The following TDP1 variants were observed in gnomAD, a reference collection of about 807,000 sequenced individuals.
TDP1 encodes tyrosyl-DNA phosphodiesterase 1.
In TDP1, 64 loss-of-function variants were observed where a neutral mutation model predicts 81.5. The observed-to-expected ratio is 0.79, with a 90% CI of 0.64 to 0.97. TDP1 has a LOEUF of 0.97. Among genes scored for constraint, TDP1 ranks in the 50% least tolerant of loss-of-function variants. The pLI is 0.00. For missense variants in TDP1, 723 were observed against 743.8 expected, an observed-to-expected ratio of 0.97 and a Z score of 0.33; for synonymous variants, 256 against 264.3, an observed-to-expected ratio of 0.97 and a Z score of 0.30.
chr14:89,969,496 G>A (rs546151143), intron 5 of TDP1, among the ~76,000 whole-genome samples: 1 of 152,230 alleles, frequency 6.6e-6, no homozygotes, highest in East Asian at 1.9e-4. Flanking sequence ...AATTAATGAG[G>A]ACTTCAGTTT....
chr14:89,970,000 C>A (rs941981728), intron 5 of TDP1, among the ~76,000 whole-genome samples: 1 of 149,964 alleles, frequency 6.7e-6, no homozygotes, highest in Non-Finnish European at 1.5e-5. Context: ...CCTCAGCCTC[C>A]CAAGTAGCTG....
chr14:89,962,601 T>C lies in TDP1; in HGVS notation c.-7-507T>C, dbSNP rs34877904. ...AGCCAAGGCCAGGCATGGTGGCTTA[T>C]ACTTGTAATCCCAGCACTTTGGAAG... On this transcript the variant is annotated intron_variant, in intron 2 of 16. Coordinates refer to ENST00000335725, the MANE Select transcript of TDP1 (RefSeq NM_018319.4). Among the ~76,000 whole-genome samples, 9 of 152,210 alleles carry C rather than the reference T, an allele frequency of 5.9e-5. No homozygotes were observed. In the East Asian group the frequency reaches 1.5e-3, roughly 26 times the overall value.
At chr14:89,969,328 G>A (rs1893314351) in intron 5 of TDP1, among the ~76,000 whole-genome samples, 2 of 152,164 alleles carry the variant, frequency 1.3e-5, no homozygotes, top group Non-Finnish European at 2.9e-5. Context: ...AGGCTATTAC[G>A]AGCCTTAGAA....
At chr14:89,999,579 C>T (rs915116122) in intron 14 of TDP1, among the ~76,000 whole-genome samples, 1 of 151,998 alleles carries the variant, frequency 6.6e-6, no homozygotes, top group African/African-American at 2.4e-5. Flanking sequence ...TTATTAAGTA[C>T]AATAAAATTA....
At chr14:90,018,935 G>C in intron 14 of TDP1, 1 of 972,104 alleles carries the variant, frequency 1.0e-6, no homozygotes, top group Non-Finnish European at 1.2e-6. Flanking sequence ...TACTACATAA[G>C]ATAATATTAA....
chr14:90,031,495 A>T (rs143074602), intron 15 of TDP1, among the ~76,000 whole-genome samples: 2 of 151,826 alleles, frequency 1.3e-5, no homozygotes, highest in African/African-American at 2.4e-5. Flanking sequence ...TGTCTCTACT[A>T]AAAATACAAA....
intron 8 of TDP1, among the ~76,000 whole-genome samples, chr14:89,982,108 C>A (rs1443687832): frequency 6.6e-6 from 1 of 152,118 alleles, no homozygotes; most frequent in African/African-American, 2.4e-5. Context: ...TGTTTCTGAG[C>A]CTTACATCTC....
chr14:90,022,728 ATG>A (rs1886224871), intron 15 of TDP1: 1 of 984,912 alleles, frequency 1.0e-6, no homozygotes, highest in African/African-American at 1.7e-5. Context: ...GTCTACTGAT[ATG>A]TGAAGCTTCT....
chr14:90,033,357 T>A (rs1480879982), intron 16 of TDP1, 143 bp downstream of exon 16: 1 of 701,874 alleles, frequency 1.4e-6, no homozygotes, highest in African/African-American at 1.8e-5. Flanking sequence ...TTTGCCAGCC[T>A]GTCTGGGGCC....
chr14:89,988,782 C>A, intron 10 of TDP1, 123 bp from the exon 11 acceptor site: 1 of 1,540,774 alleles, frequency 6.5e-7, no homozygotes, highest in Non-Finnish European at 8.7e-7. Context: ...AAATTGATCA[C>A]TAGTATTTTC....
intron 4 of TDP1, among the ~76,000 whole-genome samples, chr14:89,966,791 G>A (rs895459928): frequency 3.9e-5 from 6 of 152,184 alleles, no homozygotes; most frequent in African/African-American, 1.4e-4. Flanking sequence ...CTGTTAGCTC[G>A]ACTGAGTTAC....
chr14:90,042,797 A>AT (rs1162007504), intron 16 of TDP1: 1 of 839,452 alleles, frequency 1.2e-6, no homozygotes. Flanking sequence ...CCCTCCCACG[A>AT]TATGTGGGAA....
At chr14:90,027,234 A>G (rs951960736) in intron 15 of TDP1, among the ~76,000 whole-genome samples, 4 of 152,002 alleles carry the variant, frequency 2.6e-5, no homozygotes, top group Non-Finnish European at 4.4e-5. Context: ...TCCTGGCAAG[A>G]ATTTCTCTGC....
chr14:89,975,436 A>G (rs764974302), intron 6 of TDP1: 8 of 985,186 alleles, frequency 8.1e-6, no homozygotes, highest in African/African-American at 7.0e-5. Flanking sequence ...GTATAAGCCA[A>G]ATATCTAAAA....
chr14:90,005,512 T>C (rs1407366598), intron 14 of TDP1, among the ~76,000 whole-genome samples: 1 of 152,210 alleles, frequency 6.6e-6, no homozygotes, highest in African/African-American at 2.4e-5. Flanking sequence ...AACCTCACCT[T>C]TGTGAGGTGC....
intron 5 of TDP1, among the ~76,000 whole-genome samples, chr14:89,970,098 G>A (rs957077723): frequency 5.9e-5 from 9 of 151,748 alleles, no homozygotes; most frequent in Admixed American, 1.3e-4. Context: ...GGATGGTCTC[G>A]ATCTCCTGAC....
intron 7 of TDP1, 80 bp from the exon 8 acceptor site, chr14:89,980,460 T>C (rs1894841782): frequency 6.8e-7 from 1 of 1,462,486 alleles, no homozygotes; most frequent in African/African-American, 1.4e-5. Flanking sequence ...CCTTTAGCTA[T>C]GTATTACATT....
At chr14:90,019,026 T>G in intron 14 of TDP1, 1 of 984,232 alleles carries the variant, frequency 1.0e-6, no homozygotes, top group Non-Finnish European at 1.2e-6. Flanking sequence ...AAAAGGGGCT[T>G]TAGAACGAAA....
intron 14 of TDP1, 92 bp from the exon 15 acceptor site, chr14:90,019,224 T>TA: frequency 1.6e-6 from 2 of 1,285,568 alleles, no homozygotes; most frequent in Non-Finnish European, 2.2e-6. Flanking sequence ...CAGCTATATA[T>TA]TTTTTTGACC....
Sources: gnomAD v4.1 joint callset for allele counts (sites outside exome capture counted in the v4.1 genomes callset) on GRCh38, gnomAD v4.1.1 for gene constraint, MANE v1.5 for transcripts, NCBI Gene and HGNC (gene_info 2026-07-23, HGNC 2026-07-21) for gene names.